HIPK3: variants seen among roughly 807,000 people sequenced by gnomAD.
HIPK3 encodes homeodomain interacting protein kinase 3, also known as homeodomain-interacting protein kinase 3.
Under a neutral mutation model 124.2 loss-of-function variants are expected in HIPK3, and 47 were observed. The ratio of observed to expected loss-of-function variants is 0.38; its 90% CI spans 0.30 to 0.48. The LOEUF (loss-of-function observed/expected upper bound fraction) is 0.48. Ranked by LOEUF, HIPK3 falls within the 20% of genes least tolerant of loss-of-function variation. The pLI is 0.98. For missense variants in HIPK3, 1,286 were observed against 1,454.3 expected (o/e 0.88, Z 1.88); for synonymous variants, 482 against 515.2 (o/e 0.94, Z 0.87).
In HIPK3 at chr11:33,348,479, A is replaced by G. The variant is rs547348745; in HGVS notation, c.2370-43A>G. 607 of 1,464,022 alleles carry G rather than the reference A, an allele frequency of 4.1e-4. 6 individuals carry two copies. The South Asian group carries it at 6.5e-3, about 16-fold the overall frequency. The allele number at this position is 1,464,022 out of a possible 1,614,324, so 90.7% of individuals were successfully genotyped here. On this transcript the variant is annotated intron_variant, in intron 12 of 16. Coordinates refer to ENST00000303296, the MANE Select transcript of HIPK3 (RefSeq NM_005734.5). ...AGATACCTTAGACAATTGATTATACATATTTTGATTATAGAAATTATAAAT... is the reference window on the plus strand; with the variant it reads ...AGATACCTTAGACAATTGATTATACGTATTTTGATTATAGAAATTATAAAT...
At chr11:33,261,382 G>C (rs1021617692) in intron 1 of HIPK3, among the ~76,000 whole-genome samples, 2 of 151,616 alleles carry the variant, frequency 1.3e-5, no homozygotes, top group African/African-American at 4.8e-5. Context: ...CCACCATCTG[G>C]TAGGTCCCAG....
intron 2 of HIPK3, among the ~76,000 whole-genome samples, chr11:33,325,113 A>G (rs1264176118): frequency 6.6e-6 from 1 of 152,234 alleles, no homozygotes; most frequent in South Asian, 2.1e-4. Context: ...TTTTGTAAAG[A>G]TGACTCTGTA....
chr11:33,341,994 G>A (rs1019899995), intron 8 of HIPK3, among the ~76,000 whole-genome samples: 11 of 151,592 alleles, frequency 7.3e-5, no homozygotes, highest in African/African-American at 2.7e-4. Context: ...CCAGCTACTC[G>A]GGAGGCTGAA....
At chr11:33,337,472 C>G (rs1853187734) in intron 4 of HIPK3, among the ~76,000 whole-genome samples, 1 of 150,752 alleles carries the variant, frequency 6.6e-6, no homozygotes. Flanking sequence ...TCGCCTGCCT[C>G]AGCCTCCCAA....
intron 2 of HIPK3, among the ~76,000 whole-genome samples, chr11:33,305,497 T>C (rs774220528): frequency 6.6e-6 from 1 of 152,202 alleles, no homozygotes; most frequent in Non-Finnish European, 1.5e-5. Flanking sequence ...ATAATTACCC[T>C]TTACTCTGAC....
At chr11:33,261,756 A>G (rs773137766) in intron 1 of HIPK3, among the ~76,000 whole-genome samples, 3 of 152,228 alleles carry the variant, frequency 2.0e-5, no homozygotes, top group Non-Finnish European at 4.4e-5. Flanking sequence ...TGCTGGGTCC[A>G]ATGGTAGTTC....
chr11:33,327,714 A>G (rs1852853622), intron 2 of HIPK3, among the ~76,000 whole-genome samples: 1 of 152,208 alleles, frequency 6.6e-6, no homozygotes, highest in South Asian at 2.1e-4. Flanking sequence ...TCTCTGTAAG[A>G]TTGAGATTGT....
At chr11:33,259,723 TTG>T (rs376363750) in intron 1 of HIPK3, among the ~76,000 whole-genome samples, 25 of 152,276 alleles carry the variant, frequency 1.6e-4, no homozygotes, top group African/African-American at 5.8e-4. Context: ...GTTGAAATAT[TTG>T]TGATGTTTGG....
rs1179201191 is a variant in HIPK3 at position 33,347,173 on chromosome 11, C to T, written c.1898-120C>T. 5.5e-6 allele frequency: 5 copies of T among 905,036 alleles called. No individual in the cohort carries two copies. In the African/African-American group the frequency reaches 8.6e-5, roughly 15 times the overall value. The allele number at this position is 905,036 out of a possible 1,614,324, so 56.1% of individuals were successfully genotyped here. ...CCAGTCTGGGCAACAGAGCGAGGCC[C>T]TGTCTCAAAAAAAAAAAAAATCTGT... On this transcript the variant is annotated intron_variant, in intron 8 of 16. Transcript: ENST00000303296.
chr11:33,317,037 TCTTG>T lies in HIPK3; in HGVS notation c.1098-11466_1098-11463del, dbSNP rs562019039. Among the ~76,000 whole-genome samples the T allele has an allele frequency of 1.1e-3, 161 of 151,156 alleles. 1 individual carries two copies. The Middle Eastern group carries it at 0.014, about 13-fold the overall frequency. ...TGCTCTGTTGCCCAGGCTGGTGCCA[TCTTG>T]CTTGCTGCAACCTCCGCCTCCTAGG... is the stretch of plus-strand genomic sequence containing the variant. On this transcript the variant is annotated intron_variant, in intron 2 of 16. Transcript: ENST00000303296.
chr11:33,313,997 G>A (rs1395813214), intron 2 of HIPK3, among the ~76,000 whole-genome samples: 1 of 151,948 alleles, frequency 6.6e-6, no homozygotes, highest in African/African-American at 2.4e-5. Context: ...TGTGCATGAT[G>A]TTGCTTGTAT....
At chr11:33,302,715 A>G (rs891838868) in intron 2 of HIPK3, among the ~76,000 whole-genome samples, 2 of 152,212 alleles carry the variant, frequency 1.3e-5, no homozygotes, top group African/African-American at 4.8e-5. Context: ...GATAAGAATA[A>G]TAATATAATC....
chr11:33,310,103 G>C (rs763472571), intron 2 of HIPK3, among the ~76,000 whole-genome samples: 1 of 152,058 alleles, frequency 6.6e-6, no homozygotes, highest in Non-Finnish European at 1.5e-5. Flanking sequence ...TTTGGCATTT[G>C]ATTATATTTC....
At chr11:33,291,781 A>G (rs532415873) in intron 2 of HIPK3, among the ~76,000 whole-genome samples, 1 of 152,104 alleles carries the variant, frequency 6.6e-6, no homozygotes, top group Non-Finnish European at 1.5e-5. Context: ...ATTCTAAGTC[A>G]TTTCAGAACA....
chr11:33,324,884 G>T (rs1436281228), intron 2 of HIPK3, among the ~76,000 whole-genome samples: 4 of 152,146 alleles, frequency 2.6e-5, no homozygotes, highest in African/African-American at 4.8e-5. Flanking sequence ...TCCTCTGCCT[G>T]TATGCTGCCC....
chr11:33,319,547 A>G (rs1487683531), intron 2 of HIPK3, among the ~76,000 whole-genome samples: 3 of 152,170 alleles, frequency 2.0e-5, no homozygotes, highest in Non-Finnish European at 2.9e-5. Context: ...AGCTCAGTAA[A>G]TAGTATTTTT....
chr11:33,342,034 T>C (rs940827808), intron 8 of HIPK3, among the ~76,000 whole-genome samples: 1 of 133,832 alleles, frequency 7.5e-6, no homozygotes, highest in African/African-American at 2.9e-5. Flanking sequence ...AGCTGGAAAG[T>C]GGAGGTTGCA....
intron 2 of HIPK3, among the ~76,000 whole-genome samples, chr11:33,319,311 A>G (rs979556833): frequency 6.6e-6 from 1 of 152,168 alleles, no homozygotes; most frequent in African/African-American, 2.4e-5. Flanking sequence ...CCTGGCCAAT[A>G]TTGTGAAACC....
At chr11:33,278,172 C>T (rs925536799) in intron 1 of HIPK3, among the ~76,000 whole-genome samples, 2 of 152,068 alleles carry the variant, frequency 1.3e-5, no homozygotes, top group African/African-American at 2.4e-5. Flanking sequence ...AAAAATATAA[C>T]TAATTTTAAA....
Sources: gnomAD v4.1 joint callset for allele counts (sites outside exome capture counted in the v4.1 genomes callset) on GRCh38, gnomAD v4.1.1 for gene constraint, MANE v1.5 for transcripts, NCBI Gene and HGNC (gene_info 2026-07-23, HGNC 2026-07-21) for gene names.